CADPS: variants seen among roughly 807,000 people sequenced by gnomAD.
CADPS encodes the protein calcium-dependent secretion activator 1.
CADPS carries 57 observed loss-of-function variants against 167.3 expected under a neutral mutation model. The observed-to-expected ratio is 0.34, with a 90% CI of 0.28 to 0.42. The LOEUF (loss-of-function observed/expected upper bound fraction) is 0.42. CADPS is among the 20% of genes least tolerant of loss of function. The pLI is 1.00. For synonymous variants in CADPS, 676 were observed against 635.3 expected (o/e 1.06, Z -0.96); for missense variants, 1,414 against 1,738.1 (o/e 0.81, Z 3.32).
At chr3:62,628,930 T>G (rs1356449894) in intron 6 of CADPS, among the ~76,000 whole-genome samples, 1 of 152,160 alleles carries the variant, frequency 6.6e-6, no homozygotes, top group Non-Finnish European at 1.5e-5. Flanking sequence ...TGGCCAACCA[T>G]GAGCCTTTTT....
chr3:62,792,277 A>AACCTTG lies in CADPS; in HGVS notation c.442-26299_442-26294dup, dbSNP rs1222283225. On this transcript the variant is annotated intron_variant, in intron 1 of 29. Transcript: ENST00000383710. ...CAATGGTGTGATCACAGCTCACTGC[A>AACCTTG]ACCTTGACCTTGACCTCTCAGGCTC... Among the ~76,000 whole-genome samples the AACCTTG allele has an allele frequency of 2.6e-4, 39 of 151,596 alleles. No individual in the cohort carries two copies. The East Asian group carries it at 6.6e-3, about 26-fold the overall frequency.
At chr3:62,870,964 T>C (rs1046695747) in intron 1 of CADPS, among the ~76,000 whole-genome samples, 3 of 152,192 alleles carry the variant, frequency 2.0e-5, no homozygotes, top group Non-Finnish European at 4.4e-5. Context: ...CAAACTGTCA[T>C]TTCTGAGCTA....
intron 1 of CADPS, among the ~76,000 whole-genome samples, chr3:62,840,540 T>C (rs1180098273): frequency 6.6e-6 from 1 of 152,114 alleles, no homozygotes; most frequent in Non-Finnish European, 1.5e-5. Flanking sequence ...CAAAATGTTG[T>C]GTATATTTTT....
chr3:62,680,708 A>G (rs1048361508), intron 3 of CADPS, among the ~76,000 whole-genome samples: 6 of 152,022 alleles, frequency 3.9e-5, no homozygotes, highest in Non-Finnish European at 8.8e-5. Flanking sequence ...CCCACTGTCC[A>G]TGAAGATGAT....
intron 13 of CADPS, among the ~76,000 whole-genome samples, chr3:62,530,457 A>T (rs754099721): frequency 1.3e-5 from 2 of 152,136 alleles, no homozygotes; most frequent in Non-Finnish European, 2.9e-5. Flanking sequence ...TGAACACCTG[A>T]CTCAAATTTA....
Position 62,532,722 on chromosome 3 carries a change from TG to T in CADPS, c.2291+148del, listed in dbSNP as rs869076316. On this transcript the variant is annotated intron_variant, in intron 13 of 29. Coordinates refer to ENST00000383710, the MANE Select transcript of CADPS (RefSeq NM_003716.4). The stretch of plus-strand genomic sequence containing the variant: ...GAGAAGAAAGTTAGTGCCCTTTGTG[TG>T]TGTGTGTGTGTGTGTGTGTGTGTGT... 122 of 79,174 alleles carry T rather than the reference TG, an allele frequency of 1.5e-3. 6 individuals are homozygous for T. Among genetic ancestry groups the T allele is most frequent in the Middle Eastern group, 9.6e-3 (3 of 312 alleles). 4.9% of individuals were successfully genotyped at this position (79,174 alleles called of 1,614,324 possible).
chr3:62,831,339 CTATCA>C (rs1174017698), intron 1 of CADPS, among the ~76,000 whole-genome samples: 1 of 152,168 alleles, frequency 6.6e-6, no homozygotes. Context: ...GGCAGAGACA[CTATCA>C]TATCTAGGCA....
chr3:62,709,576 A>C (rs2082976385), intron 3 of CADPS, among the ~76,000 whole-genome samples: 1 of 151,860 alleles, frequency 6.6e-6, no homozygotes, highest in South Asian at 2.1e-4. Flanking sequence ...CTCTCCTACT[A>C]TGCGTTAGGC....
At chr3:62,452,314 A>C (rs535487325) in intron 26 of CADPS, among the ~76,000 whole-genome samples, 2 of 152,110 alleles carry the variant, frequency 1.3e-5, no homozygotes, top group Non-Finnish European at 2.9e-5. Context: ...CTGACCCTAC[A>C]CATGTGGCTC....
chr3:62,833,467 G>C (rs890100004), intron 1 of CADPS, among the ~76,000 whole-genome samples: 4 of 151,844 alleles, frequency 2.6e-5, no homozygotes, highest in African/African-American at 2.4e-5. Context: ...GGAGGGAGGA[G>C]GATGAAGCTG....
chr3:62,700,978 T>C (rs4453832), intron 3 of CADPS, among the ~76,000 whole-genome samples: 72,020 of 151,834 alleles, frequency 0.47, 18,118 homozygotes, highest in East Asian at 0.86. Flanking sequence ...GATGGCCAAG[T>C]TCTTTTATCT....
At chr3:62,474,357 TC>T (rs1318802177) in intron 23 of CADPS, 37 bp from the exon 24 acceptor site, 1 of 1,604,912 alleles carries the variant, frequency 6.2e-7, no homozygotes, top group Non-Finnish European at 8.5e-7. Flanking sequence ...AATTCAGCGT[TC>T]AGATGGCAGC....
intron 2 of CADPS, among the ~76,000 whole-genome samples, chr3:62,763,244 T>C (rs958823042): frequency 1.3e-5 from 2 of 152,184 alleles, no homozygotes; most frequent in Admixed American, 1.3e-4. Context: ...CCCATGTCTT[T>C]GCTAGGGAGC....
Position 62,499,224 on chromosome 3 carries a change from T to C in CADPS, c.2644A>G (p.Thr882Ala), listed in dbSNP as rs2065303628. The C allele has an allele frequency of 1.2e-6, 2 of 1,613,930 alleles. No individual in the cohort carries two copies. Among genetic ancestry groups the C allele is most frequent in the Non-Finnish European group, 1.7e-6 (2 of 1,179,810 alleles). Residue 882 changes from threonine to alanine, a missense_variant, in exon 18 of 30, where the codon ACA becomes GCA. Coordinates refer to ENST00000383710, the MANE Select transcript of CADPS (RefSeq NM_003716.4). ...ATGACTAGTTCAGCAAGACGTATTG[T>C]ATCTTCAAGCTTTTTGGCAGGAGTG... ...LITPAKKLED[T>A]IRLAELVIEV...
chr3:62,637,535 T>C (rs1394325189), intron 6 of CADPS, among the ~76,000 whole-genome samples: 1 of 152,220 alleles, frequency 6.6e-6, no homozygotes, highest in Non-Finnish European at 1.5e-5. Context: ...TGTACACTAA[T>C]GTGGAACACC....
intron 6 of CADPS, among the ~76,000 whole-genome samples, chr3:62,606,564 A>C (rs1348810119): frequency 6.6e-6 from 1 of 152,146 alleles, no homozygotes; most frequent in African/African-American, 2.4e-5. Flanking sequence ...GTAAGAAATA[A>C]ATTCCTTTTC....
chr3:62,868,344 T>C (rs2082071452), intron 1 of CADPS, among the ~76,000 whole-genome samples: 2 of 152,072 alleles, frequency 1.3e-5, no homozygotes, highest in Middle Eastern at 3.2e-3. Flanking sequence ...TCCAGATTTA[T>C]ATGGTGGATG....
intron 18 of CADPS, among the ~76,000 whole-genome samples, chr3:62,495,359 T>C (rs770030303): frequency 5.3e-5 from 8 of 152,198 alleles, no homozygotes; most frequent in Non-Finnish European, 1.0e-4. Context: ...AAAGTGTAAT[T>C]CCAATTAAAT....
intron 11 of CADPS, among the ~76,000 whole-genome samples, chr3:62,545,851 C>G (rs1430807167): frequency 5.9e-5 from 9 of 152,102 alleles, no homozygotes; most frequent in African/African-American, 1.9e-4. Flanking sequence ...GTTTCTTTTT[C>G]TCTACCCCAA....
Sources: gnomAD v4.1 joint callset for allele counts (sites outside exome capture counted in the v4.1 genomes callset) on GRCh38, gnomAD v4.1.1 for gene constraint, MANE v1.5 for transcripts, NCBI Gene and HGNC (gene_info 2026-07-23, HGNC 2026-07-21) for gene names.